DLGAP2: variants seen among roughly 807,000 people sequenced by gnomAD.
DLGAP2 encodes the protein disks large-associated protein 2.
A neutral mutation model predicts 100.3 loss-of-function variants in DLGAP2; 26 were observed. The ratio of observed to expected loss-of-function variants is 0.26; its 90% CI spans 0.19 to 0.36. The LOEUF (loss-of-function observed/expected upper bound fraction) is 0.36. Ranked by LOEUF, DLGAP2 falls within the 10% of genes least tolerant of loss-of-function variation. DLGAP2 has a pLI of 1.00. For missense variants in DLGAP2, 1,858 were observed against 1,453.2 expected (o/e 1.28, Z -4.53); for synonymous variants, 886 against 630.1 (o/e 1.41, Z -6.08).
At chr8:832,308 T>G (rs1245070957) in intron 1 of DLGAP2, among the ~76,000 whole-genome samples, 1 of 152,260 alleles carries the variant, frequency 6.6e-6, no homozygotes, top group African/African-American at 2.4e-5. Context: ...TCCTGAATGG[T>G]ACTGCCTAGG....
intron 3 of DLGAP2, among the ~76,000 whole-genome samples, chr8:1,366,483 G>C (rs1768624613): frequency 6.6e-6 from 1 of 152,176 alleles, no homozygotes; most frequent in Non-Finnish European, 1.5e-5. Flanking sequence ...AGCCCAGGAG[G>C]CCTTCCTGGA....
chr8:1,498,936 T>C (rs1311387043), intron 3 of DLGAP2, among the ~76,000 whole-genome samples: 3 of 152,236 alleles, frequency 2.0e-5, no homozygotes, highest in Non-Finnish European at 2.9e-5. Flanking sequence ...AAACCTTCCA[T>C]GCATGTACCC....
chr8:1,127,740 T>G (rs952471588), intron 2 of DLGAP2, among the ~76,000 whole-genome samples: 2 of 152,148 alleles, frequency 1.3e-5, no homozygotes, highest in African/African-American at 4.8e-5. Flanking sequence ...AAGAAAACAC[T>G]AAGGCCCAGA....
intron 6 of DLGAP2, among the ~76,000 whole-genome samples, chr8:1,566,481 G>A (rs190449404): frequency 4.6e-5 from 7 of 152,290 alleles, no homozygotes; most frequent in African/African-American, 1.4e-4. Context: ...AAATATGACT[G>A]TTACTGTCAA....
chr8:1,119,666 TG>T (rs1795991129), intron 2 of DLGAP2, among the ~76,000 whole-genome samples: 1 of 152,236 alleles, frequency 6.6e-6, no homozygotes. Flanking sequence ...ATGGCATGTG[TG>T]AGAGGCTTCG....
intron 5 of DLGAP2, among the ~76,000 whole-genome samples, chr8:1,558,506 C>T (rs1030675103): frequency 1.3e-5 from 2 of 152,142 alleles, no homozygotes; most frequent in Non-Finnish European, 1.5e-5. Context: ...CACATACACA[C>T]ATAGGCATGC....
intron 3 of DLGAP2, among the ~76,000 whole-genome samples, chr8:1,452,895 G>C (rs1243488037): frequency 6.6e-6 from 1 of 152,146 alleles, no homozygotes; most frequent in East Asian, 1.9e-4. Context: ...GGGGTGGCCA[G>C]GTCTATTACG....
At chr8:1,225,487 G>T (rs890237701) in intron 2 of DLGAP2, among the ~76,000 whole-genome samples, 1 of 152,164 alleles carries the variant, frequency 6.6e-6, no homozygotes, top group Non-Finnish European at 1.5e-5. Flanking sequence ...GATGAAAAAC[G>T]TCTTGAAACT....
chr8:1,330,249 C>T (rs998765692), intron 3 of DLGAP2, among the ~76,000 whole-genome samples: 17 of 143,928 alleles, frequency 1.2e-4, no homozygotes, highest in African/African-American at 3.7e-4. Flanking sequence ...GTGGGAGCAC[C>T]GCTTCGCAGG....
intron 3 of DLGAP2, among the ~76,000 whole-genome samples, chr8:1,364,021 C>T (rs1371737708): frequency 1.3e-5 from 2 of 152,202 alleles, no homozygotes; most frequent in Non-Finnish European, 2.9e-5. Flanking sequence ...TGGTACCCCT[C>T]ACTGATCCTC....
intron 2 of DLGAP2, among the ~76,000 whole-genome samples, chr8:971,494 C>T (rs1258522268): frequency 6.6e-6 from 1 of 152,118 alleles, no homozygotes. Flanking sequence ...AGAAGCAGCC[C>T]CAGCTGGAGT....
chr8:1,166,166 G>A (rs113777843), intron 2 of DLGAP2, among the ~76,000 whole-genome samples: 94 of 152,266 alleles, frequency 6.2e-4, no homozygotes, highest in African/African-American at 2.1e-3. Context: ...TTGAGGTCTT[G>A]TTTGTCTTAC....
chr8:1,513,701 C>T (rs1267750815), intron 4 of DLGAP2, among the ~76,000 whole-genome samples: 2 of 152,178 alleles, frequency 1.3e-5, no homozygotes, highest in Admixed American at 6.5e-5. Flanking sequence ...TAATCATATG[C>T]AATTCCCTAA....
chr8:890,966 C>T (rs942346982), intron 1 of DLGAP2, among the ~76,000 whole-genome samples: 1 of 152,142 alleles, frequency 6.6e-6, no homozygotes, highest in Admixed American at 6.5e-5. Context: ...CTTGTCCTCA[C>T]TGCCCCCAGG....
At chr8:810,760 T>C (rs1447853386) in intron 1 of DLGAP2, among the ~76,000 whole-genome samples, 1 of 152,234 alleles carries the variant, frequency 6.6e-6, no homozygotes, top group Non-Finnish European at 1.5e-5. Context: ...CTTCATCTTA[T>C]CCTGTGGCTG....
chr8:1,134,349 A>G (rs979910486), intron 2 of DLGAP2, among the ~76,000 whole-genome samples: 2 of 152,190 alleles, frequency 1.3e-5, no homozygotes, highest in Admixed American at 1.3e-4. Flanking sequence ...GTTTATACCC[A>G]GTCATGGGAT....
At chr8:1,652,024 G>T (rs1798178769) in intron 8 of DLGAP2, among the ~76,000 whole-genome samples, 1 of 152,194 alleles carries the variant, frequency 6.6e-6, no homozygotes, top group Non-Finnish European at 1.5e-5. Context: ...GCCCAGTGAG[G>T]CTTTCTCTTT....
chr8:1,430,828 C>G (rs143097501), intron 3 of DLGAP2, among the ~76,000 whole-genome samples: 8 of 152,328 alleles, frequency 5.3e-5, no homozygotes, highest in African/African-American at 1.9e-4. Context: ...ACACGTCTGA[C>G]ACATTAAATC....
At chr8:1,479,305 T>A (rs1799023491) in intron 3 of DLGAP2, among the ~76,000 whole-genome samples, 1 of 152,232 alleles carries the variant, frequency 6.6e-6, no homozygotes, top group Non-Finnish European at 1.5e-5. Context: ...AATAAGATGC[T>A]GGGCGCAGGG....
Sources: allele counts gnomAD v4.1 joint callset (sites outside exome capture counted in the v4.1 genomes callset), GRCh38; gene constraint gnomAD v4.1.1; transcripts MANE v1.5; gene names NCBI Gene and HGNC (gene_info 2026-07-23, HGNC 2026-07-21).